Variants in SPOCK3 observed in about 807,000 individuals in gnomAD.
SPOCK3 encodes SPARC (osteonectin), cwcv and kazal like domains proteoglycan 3.
In SPOCK3, 30 loss-of-function variants were observed where a neutral mutation model predicts 56.6. The ratio of observed to expected loss-of-function variants is 0.53; its 90% confidence interval spans 0.40 to 0.72. The LOEUF is 0.72. SPOCK3 is among the 30% of genes least tolerant of loss of function. The pLI, the probability that SPOCK3 is intolerant of heterozygous loss-of-function variation, is 0.00. For missense variants in SPOCK3, 527 were observed against 530.0 expected (o/e 0.99, Z 0.06); for synonymous variants, 196 against 183.3 (o/e 1.07, Z -0.56).
chr4:167,034,928 AATAC>A (rs1220629002), intron 3 of SPOCK3, among the ~76,000 whole-genome samples: 2 of 152,170 alleles, frequency 1.3e-5, no homozygotes, highest in Non-Finnish European at 2.9e-5. Flanking sequence ...TTTGCCAACA[AATAC>A]ATGTGTGTTC....
At chr4:166,886,495 AATGT>A (rs1218257015) in intron 6 of SPOCK3, among the ~76,000 whole-genome samples, 22 of 152,226 alleles carry the variant, frequency 1.4e-4, no homozygotes, top group Admixed American at 9.8e-4. Context: ...AAAATACTTG[AATGT>A]ATGTATTTGG....
chr4:167,054,900 G>A (rs1232976110), intron 3 of SPOCK3, among the ~76,000 whole-genome samples: 2 of 152,232 alleles, frequency 1.3e-5, no homozygotes, highest in East Asian at 3.9e-4. Flanking sequence ...ATGTATGTAT[G>A]TATGTATTGG....
At chr4:167,096,894 T>C (rs1013634424) in intron 2 of SPOCK3, among the ~76,000 whole-genome samples, 2 of 151,912 alleles carry the variant, frequency 1.3e-5, no homozygotes, top group African/African-American at 4.8e-5. Context: ...CATCTATTTC[T>C]CTTTTCAGTT....
At chr4:166,876,969 A>G (rs1431612200) in intron 6 of SPOCK3, among the ~76,000 whole-genome samples, 1 of 152,072 alleles carries the variant, frequency 6.6e-6, no homozygotes, top group Non-Finnish European at 1.5e-5. Flanking sequence ...GAGAAATAAG[A>G]TAAATATTTA....
chr4:167,097,840 T>C (rs566572305), intron 2 of SPOCK3, among the ~76,000 whole-genome samples: 1 of 152,134 alleles, frequency 6.6e-6, no homozygotes, highest in South Asian at 2.1e-4. Flanking sequence ...GTGATACATA[T>C]ACACTATGGA....
intron 2 of SPOCK3, among the ~76,000 whole-genome samples, chr4:167,155,107 A>T (rs187825423): frequency 3.3e-5 from 5 of 152,050 alleles, no homozygotes; most frequent in Admixed American, 3.3e-4. Context: ...TTTATTCAAA[A>T]ATTTTGTGAT....
chr4:167,171,305 T>C (rs918154619), intron 2 of SPOCK3, among the ~76,000 whole-genome samples: 43 of 152,146 alleles, frequency 2.8e-4, no homozygotes, highest in African/African-American at 9.7e-4. Flanking sequence ...TTTGGTCACA[T>C]CCAATAAAAG....
intron 2 of SPOCK3, among the ~76,000 whole-genome samples, chr4:167,135,332 C>T (rs985331449): frequency 2.0e-5 from 3 of 152,022 alleles, no homozygotes; most frequent in African/African-American, 7.2e-5. Flanking sequence ...TGACAATGTT[C>T]AATTTTTAAA....
intron 2 of SPOCK3, among the ~76,000 whole-genome samples, chr4:167,132,292 T>A (rs1051641013): frequency 1.3e-5 from 2 of 152,200 alleles, no homozygotes; most frequent in Admixed American, 1.3e-4. Flanking sequence ...TAGAAAATCA[T>A]TCAACTTCTA....
At chr4:166,851,247 A>G (rs889441092) in intron 6 of SPOCK3, among the ~76,000 whole-genome samples, 2 of 152,232 alleles carry the variant, frequency 1.3e-5, no homozygotes, top group African/African-American at 4.8e-5. Context: ...ACAGACCTGC[A>G]GCTGAGGGTC....
At chr4:166,875,466 GA>G (rs1362456321) in intron 6 of SPOCK3, among the ~76,000 whole-genome samples, 1 of 151,992 alleles carries the variant, frequency 6.6e-6, no homozygotes, top group Non-Finnish European at 1.5e-5. Flanking sequence ...ACATACTGAG[GA>G]AATATGCTAT....
intron 6 of SPOCK3, among the ~76,000 whole-genome samples, chr4:166,879,852 C>T (rs1021477628): frequency 2.0e-5 from 3 of 152,084 alleles, no homozygotes; most frequent in South Asian, 2.1e-4. Context: ...GGTACTGTCC[C>T]GAGTTCTCAT....
intron 4 of SPOCK3, among the ~76,000 whole-genome samples, chr4:166,935,243 A>C (rs1263130808): frequency 1.3e-5 from 2 of 152,118 alleles, no homozygotes; most frequent in South Asian, 2.1e-4. Flanking sequence ...TTTCCATCCA[A>C]CAACCATGAG....
rs1733964298 is a variant in SPOCK3 at position 166,733,767 on chromosome 4, AC to A, written c.*1153del. 1 of 152,284 alleles carries A rather than the reference AC, an allele frequency of 6.6e-6. No homozygotes were observed. Among genetic ancestry groups the A allele is most frequent in the African/African-American group, 2.4e-5 (1 of 41,436 alleles). 9.4% of individuals were successfully genotyped at this position (152,284 alleles called of 1,614,324 possible). A position where few individuals can be genotyped will look rare whatever the true frequency, so the allele number is the denominator to read the frequency against. On this transcript the variant is annotated 3_prime_UTR_variant, in exon 11 of 11. Coordinates refer to ENST00000357545, the MANE Select transcript of SPOCK3 (RefSeq NM_001040159.2). ...ATGCTACTCTACACAATAATCATAA[AC>A]AAGTCCACATGGCAATTATGTAACA...
chr4:166,773,017 A>G (rs1739132399), intron 7 of SPOCK3, among the ~76,000 whole-genome samples: 1 of 152,078 alleles, frequency 6.6e-6, no homozygotes, highest in South Asian at 2.1e-4. Flanking sequence ...GTCTCGAACT[A>G]CTGGCCTCAA....
Position 166,926,816 on chromosome 4 carries a change from AG to A in SPOCK3, c.351-14074del, listed in dbSNP as rs934595638. Among the ~76,000 whole-genome samples, 24 of 152,330 alleles carry A rather than the reference AG, an allele frequency of 1.6e-4. No individual in the cohort carries two copies. In the East Asian group the frequency reaches 4.6e-3, roughly 29 times the overall value. On this transcript the variant is annotated intron_variant, in intron 4 of 10. Coordinates refer to ENST00000357545, the MANE Select transcript of SPOCK3 (RefSeq NM_001040159.2). ...CCCTGTTACCTCAAACTCTGCAAAAAGGACCCTCTGAAATACACTTAAAGGG... is the reference window on the plus strand; with the variant it reads ...CCCTGTTACCTCAAACTCTGCAAAAAGACCCTCTGAAATACACTTAAAGGG...
At chr4:166,766,719 G>T (rs952918361) in intron 7 of SPOCK3, among the ~76,000 whole-genome samples, 5 of 152,174 alleles carry the variant, frequency 3.3e-5, no homozygotes, top group Admixed American at 6.5e-5. Context: ...AGTTAGGGAG[G>T]ATATCCTCTT....
At chr4:167,169,515 AT>A (rs1021422963) in intron 2 of SPOCK3, among the ~76,000 whole-genome samples, 1 of 152,152 alleles carries the variant, frequency 6.6e-6, no homozygotes, top group African/African-American at 2.4e-5. Context: ...GAGTTGGTGT[AT>A]TTATCCAATG....
At chr4:167,027,271 TTC>T (rs1455223157) in intron 3 of SPOCK3, among the ~76,000 whole-genome samples, 5 of 151,960 alleles carry the variant, frequency 3.3e-5, no homozygotes, top group African/African-American at 1.2e-4. Context: ...TGTGCTAAAT[TTC>T]TGTTTCATGT....
Sources: allele counts gnomAD v4.1 joint callset (sites outside exome capture counted in the v4.1 genomes callset), GRCh38; gene constraint gnomAD v4.1.1; transcripts MANE v1.5; gene names NCBI Gene and HGNC (gene_info 2026-07-23, HGNC 2026-07-21).